PDHX: variants seen among roughly 807,000 people sequenced by gnomAD.
PDHX encodes the protein pyruvate dehydrogenase protein X component, mitochondrial.
In PDHX, 33 loss-of-function variants were observed where a neutral mutation model predicts 55.3. That is an observed-to-expected ratio of 0.60 (90% confidence interval 0.45 to 0.80). The LOEUF is 0.80. Ranked by LOEUF, PDHX falls within the 30% of genes least tolerant of loss-of-function variation. The pLI is 0.00. For missense variants in PDHX, 622 were observed against 619.9 expected (o/e 1.00, Z -0.04); for synonymous variants, 226 against 219.4 (o/e 1.03, Z -0.27).
At chr11:34,991,630 C>CA (rs1855759371) in intron 9 of PDHX, among the ~76,000 whole-genome samples, 1 of 151,910 alleles carries the variant, frequency 6.6e-6, no homozygotes, top group African/African-American at 2.4e-5. Flanking sequence ...ACAGATTGGC[C>CA]AGGCATGGTG....
rs187562376 is a variant in PDHX, at chr11:34,919,909, A to G, written c.160+3094A>G. 3.7e-4 allele frequency among the ~76,000 whole-genome samples: 57 copies of G among 152,338 alleles called. 1 individual carries two copies. The highest frequency in any genetic ancestry group is 3.3e-3 in the Admixed American group (50 of 15,306). Reference sequence around the variant, plus strand: ...ATCATACTTAGCTCCTGGACATGCAATCCAAAATTCTATATAGGGCTGATC... The same window carrying G: ...ATCATACTTAGCTCCTGGACATGCAGTCCAAAATTCTATATAGGGCTGATC... On this transcript the variant is annotated intron_variant, in intron 1 of 10. Coordinates refer to ENST00000227868, the MANE Select transcript of PDHX (RefSeq NM_003477.3).
At position 34,995,178 on chromosome 11, in the gene PDHX, AAAGAT is replaced by A. The variant is rs764087598; in HGVS notation, c.*11_*15del. 2 of 1,613,610 alleles carry A rather than the reference AAAGAT, an allele frequency of 1.2e-6. No homozygotes were observed. The highest frequency in any genetic ancestry group is 1.7e-5 in the Admixed American group (1 of 60,002). On this transcript the variant is annotated 3_prime_UTR_variant, in exon 11 of 11. Transcript: ENST00000227868. ...ATCCTATCCGACTTGCCTAGTCCTC[AAAGAT>A]AAGAAGTTGGTGTTCAGCTTAGTTG...
At chr11:34,964,862 A>G (rs1216584046) in intron 5 of PDHX, among the ~76,000 whole-genome samples, 1 of 133,506 alleles carries the variant, frequency 7.5e-6, no homozygotes, top group East Asian at 2.0e-4. Flanking sequence ...TATTATTAGC[A>G]TAACTAAATA....
At chr11:34,934,961 TG>T (rs1854274245) in intron 2 of PDHX, among the ~76,000 whole-genome samples, 1 of 151,962 alleles carries the variant, frequency 6.6e-6, no homozygotes. Context: ...CTATAAGAGA[TG>T]TGAGATGAAA....
chr11:34,946,976 A>G (rs614668), intron 2 of PDHX, among the ~76,000 whole-genome samples: 110,062 of 152,072 alleles, frequency 0.72, 39,926 homozygotes, highest in Middle Eastern at 0.79. Context: ...TTGCAGAGAA[A>G]TGATCTGTAT....
intron 1 of PDHX, among the ~76,000 whole-genome samples, chr11:34,930,248 C>T (rs183848658): frequency 1.5e-3 from 236 of 152,314 alleles, no homozygotes; most frequent in Middle Eastern, 3.4e-3. Flanking sequence ...TTCTCCAGAC[C>T]TTCAGAGTGA....
intron 4 of PDHX, among the ~76,000 whole-genome samples, chr11:34,959,093 A>T (rs1854965352): frequency 6.6e-6 from 1 of 152,144 alleles, no homozygotes. Context: ...AATCAGGCTT[A>T]TTTTCTTTAT....
At chr11:34,980,282 A>G (rs529210634) in intron 8 of PDHX, among the ~76,000 whole-genome samples, 18 of 145,714 alleles carry the variant, frequency 1.2e-4, no homozygotes, top group African/African-American at 4.5e-4. Context: ...TCATTTCCTT[A>G]GATTCATTTT....
intron 6 of PDHX, 62 bp from the exon 7 acceptor site, chr11:34,970,077 T>G: frequency 6.9e-7 from 1 of 1,458,308 alleles, no homozygotes; most frequent in African/African-American, 1.4e-5. Context: ...AAGTTGCTTG[T>G]TTTTTGTTTT....
chr11:34,921,665 A>G (rs2016683200), intron 1 of PDHX, among the ~76,000 whole-genome samples: 1 of 152,200 alleles, frequency 6.6e-6, no homozygotes, highest in Admixed American at 6.5e-5. Flanking sequence ...AAAGTGTATC[A>G]TCTAAGCAAA....
chr11:34,981,685 T>C (rs1215714107), intron 8 of PDHX, among the ~76,000 whole-genome samples: 1 of 152,144 alleles, frequency 6.6e-6, no homozygotes, highest in East Asian at 1.9e-4. Context: ...TTTTTAATGA[T>C]TGCCATTCTA....
chr11:34,958,367 C>T (rs563571832), intron 4 of PDHX, among the ~76,000 whole-genome samples: 13 of 152,180 alleles, frequency 8.5e-5, no homozygotes, highest in Middle Eastern at 3.4e-3. Flanking sequence ...ATGGTGCAAT[C>T]TCAGCTTACC....
chr11:34,978,211 C>T (rs878871604), intron 8 of PDHX, 29 bp downstream of exon 8: 3 of 1,308,974 alleles, frequency 2.3e-6, no homozygotes, highest in Middle Eastern at 1.8e-4. Flanking sequence ...ATGATTTTGT[C>T]TTCTTAAGTA....
intron 8 of PDHX, among the ~76,000 whole-genome samples, chr11:34,981,335 A>AT (rs1590766513): frequency 6.6e-6 from 1 of 152,046 alleles, no homozygotes; most frequent in East Asian, 1.9e-4. Context: ...TGAACTCATC[A>AT]TTTTTTATGG....
rs1382377271 is a variant in PDHX at position 34,943,152 on chromosome 11, GT to G, written c.242-4353del. 2.0e-5 allele frequency among the ~76,000 whole-genome samples: 3 copies of G among 152,142 alleles called. No homozygotes were observed. In the East Asian group the frequency reaches 5.8e-4, roughly 29 times the overall value. Reference sequence around the variant, plus strand: ...GGATGGGAATATAAAACATTTAAGTGTCCTGTCCGTATTGTGAAGAAGCTCA... The same window carrying G: ...GGATGGGAATATAAAACATTTAAGTGCCTGTCCGTATTGTGAAGAAGCTCA... On this transcript the variant is annotated intron_variant, in intron 2 of 10. Transcript: ENST00000227868.
chr11:34,921,778 T>C (rs945910797), intron 1 of PDHX, among the ~76,000 whole-genome samples: 4 of 152,096 alleles, frequency 2.6e-5, no homozygotes, highest in Non-Finnish European at 4.4e-5. Context: ...ACTAAGAAGA[T>C]TTAGATGATC....
At chr11:34,990,486 C>T (rs1407611475) in intron 9 of PDHX, among the ~76,000 whole-genome samples, 2 of 152,018 alleles carry the variant, frequency 1.3e-5, no homozygotes, top group African/African-American at 4.8e-5. Flanking sequence ...AGTATGTGTG[C>T]GTGCAATCTA....
chr11:34,938,944 A>G (rs986467807), intron 2 of PDHX, among the ~76,000 whole-genome samples: 1 of 152,240 alleles, frequency 6.6e-6, no homozygotes, highest in Non-Finnish European at 1.5e-5. Flanking sequence ...GCCAAAACAC[A>G]GTAAATAATT....
intron 3 of PDHX, among the ~76,000 whole-genome samples, chr11:34,950,737 G>A (rs1378886051): frequency 1.3e-5 from 2 of 149,970 alleles, no homozygotes; most frequent in Admixed American, 6.6e-5. Flanking sequence ...AGTATTCCAT[G>A]GTGTATATGT....
Sources: allele counts gnomAD v4.1 joint callset (sites outside exome capture counted in the v4.1 genomes callset), GRCh38; gene constraint gnomAD v4.1.1; transcripts MANE v1.5; gene names NCBI Gene and HGNC (gene_info 2026-07-23, HGNC 2026-07-21).